The following HPSE2 variants were observed in gnomAD, a reference collection of about 807,000 sequenced individuals.
HPSE2 encodes the protein heparanase 2 (inactive).
In HPSE2, 38 loss-of-function variants were observed where a neutral mutation model predicts 60.5. The observed-to-expected ratio is 0.63, with a 90% confidence interval of 0.48 to 0.82. The LOEUF (loss-of-function observed/expected upper bound fraction) is 0.82, where lower values mean the gene tolerates loss of function less well. Among genes scored for constraint, HPSE2 ranks in the 40% least tolerant of loss-of-function variants. HPSE2 has a pLI of 0.00. For synonymous variants in HPSE2, 295 were observed against 293.2 expected, an observed-to-expected ratio of 1.01 and a Z score of -0.06; for missense variants, 713 against 740.4, an observed-to-expected ratio of 0.96 and a Z score of 0.43.
intron 3 of HPSE2, among the ~76,000 whole-genome samples, chr10:99,118,485 T>C (rs1314342165): frequency 7.1e-6 from 1 of 140,060 alleles, no homozygotes; most frequent in African/African-American, 2.7e-5. Flanking sequence ...ATCACGCCAC[T>C]GCACTCCAGC....
At chr10:99,089,467 G>A (rs1311886520) in intron 3 of HPSE2, among the ~76,000 whole-genome samples, 3 of 152,096 alleles carry the variant, frequency 2.0e-5, no homozygotes, top group Non-Finnish European at 4.4e-5. Context: ...CTTTGTTGAA[G>A]ATCAGTTGGC....
chr10:98,965,486 A>C (rs911123549), intron 3 of HPSE2, among the ~76,000 whole-genome samples: 1 of 152,068 alleles, frequency 6.6e-6, no homozygotes, highest in African/African-American at 2.4e-5. Context: ...GCATTCAATC[A>C]GTCTGAATCT....
At chr10:98,670,189 A>G (rs1947470044) in intron 6 of HPSE2, among the ~76,000 whole-genome samples, 1 of 152,196 alleles carries the variant, frequency 6.6e-6, no homozygotes, top group Non-Finnish European at 1.5e-5. Flanking sequence ...AAGTAGGGCC[A>G]TGCAGGCCAC....
chr10:98,948,024 G>A (rs886197330), intron 3 of HPSE2, among the ~76,000 whole-genome samples: 1 of 152,058 alleles, frequency 6.6e-6, no homozygotes, highest in South Asian at 2.1e-4. Context: ...AGATCAAGGG[G>A]TCATAAGGAC....
chr10:99,268,364 C>A, the HPSE2 span, among the ~76,000 whole-genome samples: 1 of 152,170 alleles, frequency 6.6e-6, no homozygotes, highest in Non-Finnish European at 1.5e-5. Flanking sequence ...TAAATCTCGG[C>A]CAGGTGCAGT....
chr10:98,710,182 T>C (rs1948642229), intron 5 of HPSE2, among the ~76,000 whole-genome samples: 1 of 152,178 alleles, frequency 6.6e-6, no homozygotes, highest in African/African-American at 2.4e-5. Context: ...GTTAATTATA[T>C]GTCGAGCTAG....
intron 3 of HPSE2, among the ~76,000 whole-genome samples, chr10:98,893,084 T>G (rs928136248): frequency 6.6e-5 from 10 of 152,152 alleles, no homozygotes; most frequent in Admixed American, 2.6e-4. Context: ...TATTTATTTT[T>G]GAGATGGAGT....
chr10:98,708,576 C>T (rs1342473996), intron 5 of HPSE2, among the ~76,000 whole-genome samples: 2 of 151,956 alleles, frequency 1.3e-5, no homozygotes, highest in Non-Finnish European at 2.9e-5. Context: ...GAGGAAACAC[C>T]ATTATTAAGT....
At chr10:98,741,177 C>T (rs906045920) in intron 4 of HPSE2, among the ~76,000 whole-genome samples, 32 of 151,942 alleles carry the variant, frequency 2.1e-4, no homozygotes, top group Admixed American at 1.7e-3. Context: ...GATTTTCTGA[C>T]GAGATTCATA....
chr10:99,187,656 T>C (rs1848076929), intron 2 of HPSE2, among the ~76,000 whole-genome samples: 1 of 152,190 alleles, frequency 6.6e-6, no homozygotes, highest in Non-Finnish European at 1.5e-5. Context: ...TCATTAGTCA[T>C]TAGGGAAATG....
intron 2 of HPSE2, among the ~76,000 whole-genome samples, chr10:99,184,833 G>A (rs377487315): frequency 1.9e-5 from 1 of 52,610 alleles, no homozygotes; most frequent in East Asian, 8.2e-4. Flanking sequence ...GAGAGAGAGA[G>A]AGAGAGAGAG....
At chr10:98,898,079 A>G (rs1953548111) in intron 3 of HPSE2, among the ~76,000 whole-genome samples, 1 of 152,178 alleles carries the variant, frequency 6.6e-6, no homozygotes, top group Non-Finnish European at 1.5e-5. Flanking sequence ...CAGATGGCAA[A>G]TAAGCATATG....
chr10:98,679,659 C>A (rs1215786894), intron 6 of HPSE2, among the ~76,000 whole-genome samples: 1 of 152,030 alleles, frequency 6.6e-6, no homozygotes, highest in Admixed American at 6.6e-5. Context: ...CTTGTGCCTA[C>A]ATGGAAATAA....
intron 9 of HPSE2, among the ~76,000 whole-genome samples, chr10:98,585,086 A>C (rs1311433832): frequency 1.3e-5 from 2 of 152,088 alleles, no homozygotes; most frequent in Non-Finnish European, 2.9e-5. Context: ...TCCCCCCAAA[A>C]TCCTCTGCAG....
At chr10:98,908,287 A>G (rs1953879232) in intron 3 of HPSE2, among the ~76,000 whole-genome samples, 1 of 152,220 alleles carries the variant, frequency 6.6e-6, no homozygotes, top group Non-Finnish European at 1.5e-5. Flanking sequence ...CACATTTTGA[A>G]AAACAACTTG....
intron 2 of HPSE2, among the ~76,000 whole-genome samples, chr10:99,206,593 G>A (rs1848756991): frequency 6.6e-6 from 1 of 151,228 alleles, no homozygotes; most frequent in African/African-American, 2.4e-5. Context: ...ACAGATTTGT[G>A]AATGCATGGC....
At chr10:98,634,880 T>C (rs758464765) in intron 7 of HPSE2, among the ~76,000 whole-genome samples, 28 of 152,206 alleles carry the variant, frequency 1.8e-4, no homozygotes, top group Non-Finnish European at 3.2e-4. Flanking sequence ...AAGAACTGTA[T>C]AAATTAGAGA....
At chr10:98,776,123 C>T (rs1045844047) in intron 3 of HPSE2, among the ~76,000 whole-genome samples, 19 of 152,152 alleles carry the variant, frequency 1.2e-4, no homozygotes, top group African/African-American at 4.6e-4. Flanking sequence ...CACATTTCTT[C>T]CCGGGGAGCT....
chr10:98,580,817 C>A (rs1330733335), intron 9 of HPSE2, among the ~76,000 whole-genome samples: 2 of 44,584 alleles, frequency 4.5e-5, no homozygotes, highest in Non-Finnish European at 4.8e-5. Context: ...TCAAGTTGTG[C>A]TTGGTTTTAT....
Sources: allele counts gnomAD v4.1 joint callset (sites outside exome capture counted in the v4.1 genomes callset), GRCh38; gene constraint gnomAD v4.1.1; transcripts MANE v1.5; gene names NCBI Gene and HGNC (gene_info 2026-07-23, HGNC 2026-07-21).